Variants in CPNE8 observed in about 807,000 individuals in gnomAD.
The protein encoded by CPNE8 is copine-8.
A neutral mutation model predicts 81.5 loss-of-function variants in CPNE8; 45 were observed. The observed-to-expected ratio is 0.55, with a 90% CI of 0.44 to 0.71. CPNE8 has a LOEUF of 0.71. Among genes scored for constraint, CPNE8 ranks in the 30% least tolerant of loss-of-function variants. The pLI is 0.00. For synonymous variants in CPNE8, 252 were observed against 226.3 expected (o/e 1.11, Z -1.02); for missense variants, 594 against 672.1 (o/e 0.88, Z 1.28).
intron 10 of CPNE8, among the ~76,000 whole-genome samples, chr12:38,737,627 T>G (rs537158813): frequency 6.6e-6 from 1 of 152,290 alleles, no homozygotes; most frequent in East Asian, 1.9e-4. Context: ...TGCTATTATA[T>G]TGCTACCTTT....
intron 5 of CPNE8, among the ~76,000 whole-genome samples, chr12:38,835,485 A>G (rs1367221057): frequency 1.3e-5 from 2 of 152,150 alleles, no homozygotes; most frequent in African/African-American, 2.4e-5. Context: ...CACCTCTTCA[A>G]TTCCAAAATG....
intron 13 of CPNE8, among the ~76,000 whole-genome samples, chr12:38,717,443 A>G (rs952871297): frequency 7.4e-5 from 10 of 135,980 alleles, no homozygotes; most frequent in East Asian, 4.3e-4. Context: ...ATATATATAT[A>G]TATATATATA....
chr12:38,796,169 T>C (rs1018935036), intron 6 of CPNE8, among the ~76,000 whole-genome samples: 1 of 151,980 alleles, frequency 6.6e-6, no homozygotes, highest in African/African-American at 2.4e-5. Context: ...TGCCTGTAAT[T>C]CCAGCTACTT....
chr12:38,652,792 G>A lies in CPNE8; in HGVS notation c.*1090C>T, dbSNP rs1003307590. 4.6e-5 allele frequency: 7 copies of A among 152,622 alleles called. No individual in the cohort carries two copies. Among genetic ancestry groups the A allele is most frequent in the Non-Finnish European group, 1.0e-4 (7 of 68,040 alleles). The allele number at this position is 152,622 out of a possible 1,614,324, so 9.5% of individuals were successfully genotyped here. On this transcript the variant is annotated 3_prime_UTR_variant, in exon 20 of 20. Coordinates refer to ENST00000331366, the MANE Select transcript of CPNE8 (RefSeq NM_153634.3). ...CTTTACAATTATTCGTGGACAGGCA[G>A]GTCAGTATATAGGAGTAGGTTATTT...
chr12:38,787,220 T>C (rs532386045), intron 6 of CPNE8, among the ~76,000 whole-genome samples: 1 of 151,996 alleles, frequency 6.6e-6, no homozygotes, highest in Non-Finnish European at 1.5e-5. Context: ...AAAACAAGTC[T>C]AAAAACATTC....
intron 14 of CPNE8, among the ~76,000 whole-genome samples, chr12:38,700,812 G>A (rs1939923345): frequency 6.6e-6 from 1 of 152,108 alleles, no homozygotes; most frequent in Non-Finnish European, 1.5e-5. Flanking sequence ...AGTCTCATAA[G>A]ATCTGATGGT....
intron 3 of CPNE8, among the ~76,000 whole-genome samples, chr12:38,853,443 G>A (rs989011034): frequency 2.6e-5 from 4 of 151,256 alleles, no homozygotes; most frequent in Admixed American, 2.0e-4. Context: ...ATAACCTCTG[G>A]CACAATGTAC....
chr12:38,685,657 A>G (rs755990175), intron 15 of CPNE8, 40 bp from the exon 16 acceptor site: 1 of 1,593,754 alleles, frequency 6.3e-7, no homozygotes, highest in Non-Finnish European at 8.6e-7. Flanking sequence ...AAACAACAGT[A>G]AAAAAGTAAA....
In CPNE8 at chr12:38,760,874, TC is replaced by T. The variant is rs766640351; in HGVS notation, c.694del (p.Glu232ArgfsTer37). 1 of 1,575,020 alleles carries T rather than the reference TC, an allele frequency of 6.3e-7. No individual in the cohort carries two copies. The highest frequency in any genetic ancestry group is 8.6e-7 in the Non-Finnish European group (1 of 1,167,146). Reference protein sequence around the residue: ...NGDYDRTIKVEVYDWDRDGSH... With the variant: ...NGDYDRTIKVXVYDWDRDGSH... The stretch of plus-strand genomic sequence containing the variant: ...TCCATCTCGGTCCCAGTCATACACC[TC>T]TACTTTGATTGTTCTGTACATGAGA... On this transcript the variant is annotated frameshift_variant, in exon 10 of 20. Transcript: ENST00000331366. LOFTEE classifies it high-confidence loss of function.
chr12:38,817,946 A>C lies in CPNE8; in HGVS notation c.407+11433T>G, dbSNP rs142908113. Reference sequence around the variant, plus strand: ...CCAATTTATTCATTTTTTTGAAGGCAATATAATGCTGTGGTTAAGCATGCA... The same window carrying C: ...CCAATTTATTCATTTTTTTGAAGGCCATATAATGCTGTGGTTAAGCATGCA... On this transcript the variant is annotated intron_variant, in intron 6 of 19. Coordinates refer to ENST00000331366, the MANE Select transcript of CPNE8 (RefSeq NM_153634.3). Among the ~76,000 whole-genome samples the C allele has an allele frequency of 7.8e-3, 1,184 of 152,180 alleles. 5 individuals are homozygous for C. The highest frequency in any genetic ancestry group is 0.013 in the Non-Finnish European group (885 of 67,978).
At chr12:38,842,938 A>T (rs568775477) in intron 4 of CPNE8, among the ~76,000 whole-genome samples, 2 of 152,062 alleles carry the variant, frequency 1.3e-5, no homozygotes, top group Non-Finnish European at 2.9e-5. Flanking sequence ...ATATATCAAG[A>T]CTTCTCCAGT....
At chr12:38,861,789 CT>C (rs1943839704) in intron 3 of CPNE8, among the ~76,000 whole-genome samples, 1 of 152,038 alleles carries the variant, frequency 6.6e-6, no homozygotes, top group Non-Finnish European at 1.5e-5. Context: ...TTCCTATGAA[CT>C]TTTCTAAGGA....
chr12:38,673,958 G>A (rs1939234478), intron 18 of CPNE8, among the ~76,000 whole-genome samples: 1 of 152,030 alleles, frequency 6.6e-6, no homozygotes, highest in South Asian at 2.1e-4. Flanking sequence ...TAATGGGAAT[G>A]TGATTGTCCA....
chr12:38,677,445 C>A lies in CPNE8; in HGVS notation c.1374+7G>T. Reference sequence around the variant, plus strand: ...AGCGAGCCCAATACGGAGTGACCCCCACTTACATTAACTATGGACTCCTTA... The same window carrying A: ...AGCGAGCCCAATACGGAGTGACCCCAACTTACATTAACTATGGACTCCTTA... On this transcript the variant is annotated splice_region_variant and intron_variant, in intron 17 of 19. Coordinates refer to ENST00000331366, the MANE Select transcript of CPNE8 (RefSeq NM_153634.3). 1 of 1,513,502 alleles carries A rather than the reference C, an allele frequency of 6.6e-7. No individual in the cohort carries two copies. Among genetic ancestry groups the A allele is most frequent in the Non-Finnish European group, 9.2e-7 (1 of 1,088,850 alleles). The allele number at this position is 1,513,502 out of a possible 1,614,324, so 93.8% of individuals were successfully genotyped here.
chr12:38,732,582 C>G (rs1940855234), intron 10 of CPNE8, among the ~76,000 whole-genome samples: 1 of 151,846 alleles, frequency 6.6e-6, no homozygotes, highest in African/African-American at 2.4e-5. Context: ...TGAAAGGACC[C>G]TTTTTATCAT....
intron 10 of CPNE8, among the ~76,000 whole-genome samples, chr12:38,735,309 A>G (rs1940928152): frequency 6.6e-6 from 1 of 152,060 alleles, no homozygotes; most frequent in South Asian, 2.1e-4. Flanking sequence ...AATTAAACGC[A>G]TGGGTTGCAG....
rs201219908 is a variant in CPNE8 at position 38,768,891 on chromosome 12, T to C, written c.472-1153A>G. ...AGTAACTCAGATTAAACAAAGAGGT[T>C]ACAATTTTGAATATTATGTGATAAA... On this transcript the variant is annotated intron_variant, in intron 7 of 19. Coordinates refer to ENST00000331366, the MANE Select transcript of CPNE8 (RefSeq NM_153634.3). Among the ~76,000 whole-genome samples the C allele has an allele frequency of 2.0e-4, 30 of 152,278 alleles. No individual in the cohort carries two copies. The East Asian group carries it at 5.6e-3, about 28-fold the overall frequency.
chr12:38,796,642 T>G (rs953782458), intron 6 of CPNE8, among the ~76,000 whole-genome samples: 2 of 152,134 alleles, frequency 1.3e-5, no homozygotes, highest in African/African-American at 2.4e-5. Flanking sequence ...GATTTCTGCA[T>G]TTCCATCTGA....
chr12:38,757,835 T>C (rs1941491531), intron 10 of CPNE8, among the ~76,000 whole-genome samples: 1 of 149,502 alleles, frequency 6.7e-6, no homozygotes, highest in African/African-American at 2.4e-5. Context: ...CCAAGGAATG[T>C]TTAAATTTCA....
Sources: gnomAD v4.1 joint callset for allele counts (sites outside exome capture counted in the v4.1 genomes callset) on GRCh38, gnomAD v4.1.1 for gene constraint, MANE v1.5 for transcripts, NCBI Gene and HGNC (gene_info 2026-07-23, HGNC 2026-07-21) for gene names.